The following CHD1 variants were observed in gnomAD, a reference collection of about 807,000 sequenced individuals.
The protein encoded by CHD1 is chromodomain helicase DNA binding protein 1.
Under a neutral mutation model 224.2 loss-of-function variants are expected in CHD1, and 36 were observed. That is an observed-to-expected ratio of 0.16 (90% CI 0.12 to 0.21). The LOEUF (loss-of-function observed/expected upper bound fraction) is 0.21. Ranked by LOEUF, CHD1 falls within the 10% of genes least tolerant of loss-of-function variation. The pLI is 1.00. For synonymous variants in CHD1, 668 were observed against 658.3 expected (o/e 1.01, Z -0.23); for missense variants, 1,378 against 1,994.8 (o/e 0.69, Z 5.89).
intron 18 of CHD1, 66 bp from the exon 19 acceptor site, chr5:98,883,303 G>C (rs1424585365): frequency 2.8e-6 from 3 of 1,073,820 alleles, no homozygotes; most frequent in African/African-American, 1.6e-5. Flanking sequence ...AAGCAGTATG[G>C]TACTAATTAA....
intron 18 of CHD1, chr5:98,884,033 G>A (rs1036262452): frequency 4.7e-5 from 7 of 150,464 alleles, no homozygotes; most frequent in South Asian, 2.1e-4. Context: ...GTAGAGATGC[G>A]GTTTCACCAT....
Position 98,924,213 on chromosome 5 carries a change from T to C in CHD1, c.53+2121A>G, listed in dbSNP as rs1753297508. 4.6e-5 allele frequency among the ~76,000 whole-genome samples: 7 copies of C among 152,132 alleles called. 1 individual carries two copies. The South Asian group carries it at 1.2e-3, about 27-fold the overall frequency. ...CTGCAGTGAGCTGAGACTACACAAC[T>C]GTACTCCAGCCTGGGTGACAGAGTG... On this transcript the variant is annotated intron_variant, in intron 2 of 35. Coordinates refer to ENST00000614616, the MANE Select transcript of CHD1 (RefSeq NM_001270.4).
At chr5:98,863,341 AAAC>A in intron 32 of CHD1, 64 bp downstream of exon 32, 1 of 937,818 alleles carries the variant, frequency 1.1e-6, no homozygotes, top group Non-Finnish European at 1.4e-6. Flanking sequence ...TCAGGAAAGA[AAAC>A]AAAAAAAAAA....
chr5:98,923,567 A>C (rs1159917374), intron 2 of CHD1, among the ~76,000 whole-genome samples: 1 of 151,746 alleles, frequency 6.6e-6, no homozygotes. Flanking sequence ...ATTACAGGCC[A>C]CCACACCCAG....
At chr5:98,911,280 T>C (rs1232242238) in intron 2 of CHD1, among the ~76,000 whole-genome samples, 1 of 150,364 alleles carries the variant, frequency 6.7e-6, no homozygotes, top group African/African-American at 2.5e-5. Flanking sequence ...ATAAAGACAG[T>C]TAAGGATCAC....
intron 32 of CHD1, among the ~76,000 whole-genome samples, chr5:98,862,108 G>A (rs919157830): frequency 6.6e-6 from 1 of 152,080 alleles, no homozygotes; most frequent in Admixed American, 6.5e-5. Flanking sequence ...AGCGAGCTGA[G>A]ATTCGCCACT....
intron 2 of CHD1, among the ~76,000 whole-genome samples, chr5:98,906,815 AGT>A (rs1752077834): frequency 6.6e-6 from 1 of 152,238 alleles, no homozygotes; most frequent in African/African-American, 2.4e-5. Context: ...GTAGCAATAA[AGT>A]ATCTCCTCTG....
intron 2 of CHD1, among the ~76,000 whole-genome samples, chr5:98,923,818 T>G (rs1249898987): frequency 1.3e-5 from 2 of 152,176 alleles, no homozygotes; most frequent in African/African-American, 4.8e-5. Flanking sequence ...AGGTAAGTAG[T>G]CAGAATATAC....
chr5:98,887,292 T>C (rs1419115927), intron 17 of CHD1, among the ~76,000 whole-genome samples: 1 of 152,190 alleles, frequency 6.6e-6, no homozygotes, highest in African/African-American at 2.4e-5. Flanking sequence ...ACCAGAATTG[T>C]AATGTTACAT....
In CHD1 at chr5:98,883,307, T is replaced by C. The variant is rs1383648832; in HGVS notation, c.2569-70A>G. The C allele has an allele frequency of 4.0e-6, 4 of 1,009,496 alleles. No individual in the cohort carries two copies. In the African/African-American group the frequency reaches 6.6e-5, roughly 17 times the overall value. The allele number at this position is 1,009,496 out of a possible 1,614,324, so 62.5% of individuals were successfully genotyped here. A position where few individuals can be genotyped will look rare whatever the true frequency, so the allele number is the denominator to read the frequency against. On this transcript the variant is annotated intron_variant, in intron 18 of 35. Transcript: ENST00000614616. ...TTTCTGAACGTAAGCAGTATGGTAC[T>C]AATTAAACAGAAAGGCAGTTTTTAA... is the stretch of plus-strand genomic sequence containing the variant.
intron 2 of CHD1, 96 bp from the exon 3 acceptor site, chr5:98,905,194 T>A (rs1276977447): frequency 7.2e-7 from 1 of 1,398,462 alleles, no homozygotes; most frequent in Admixed American, 2.3e-5. Context: ...AAATTTTACT[T>A]CATACTTAAT....
chr5:98,908,441 C>T (rs1045244189), intron 2 of CHD1, among the ~76,000 whole-genome samples: 4 of 152,158 alleles, frequency 2.6e-5, no homozygotes, highest in Non-Finnish European at 5.9e-5. Flanking sequence ...GGTACCCTAC[C>T]TAAGACCTTA....
At chr5:98,894,755 TA>T in intron 12 of CHD1, 69 bp from the exon 13 acceptor site, 1 of 647,266 alleles carries the variant, frequency 1.5e-6, no homozygotes, top group Non-Finnish European at 2.7e-6. Context: ...CTTACATATC[TA>T]AAAATTAAAA....
chr5:98,895,412 T>C (rs1483166394), intron 12 of CHD1, among the ~76,000 whole-genome samples: 2 of 152,192 alleles, frequency 1.3e-5, no homozygotes, highest in Admixed American at 1.3e-4. Context: ...TGAGTGTTTA[T>C]TACATTCTTC....
intron 2 of CHD1, among the ~76,000 whole-genome samples, chr5:98,907,759 C>T (rs1197903509): frequency 6.6e-6 from 1 of 151,640 alleles, no homozygotes; most frequent in Non-Finnish European, 1.5e-5. Context: ...TGAAAAGCAA[C>T]AATGGCAGAA....
chr5:98,909,686 G>T (rs560340828), intron 2 of CHD1, among the ~76,000 whole-genome samples: 1 of 152,214 alleles, frequency 6.6e-6, no homozygotes, highest in African/African-American at 2.4e-5. Context: ...AAGAAAAGGG[G>T]TTTTATTTCT....
At chr5:98,868,337 A>G (rs892821900) in intron 31 of CHD1, among the ~76,000 whole-genome samples, 158 bp downstream of exon 31, 4 of 151,800 alleles carry the variant, frequency 2.6e-5, no homozygotes, top group Non-Finnish European at 5.9e-5. Context: ...AAAAGAAAAA[A>G]AAAAAAAAAA....
rs551112341 is a variant in CHD1, at chr5:98,904,833, A to G, written c.255+64T>C. ...GCTAGATTAAGAATGGTATAAACCA[A>G]TCCTCTAAATTTTCCCAAAGTAATA... On this transcript the variant is annotated intron_variant, in intron 3 of 35. Coordinates refer to ENST00000614616, the MANE Select transcript of CHD1 (RefSeq NM_001270.4). 48 of 1,375,240 alleles carry G rather than the reference A, an allele frequency of 3.5e-5. 1 individual carries two copies. In the South Asian group the frequency reaches 4.3e-4, roughly 12 times the overall value. 85.2% of individuals were successfully genotyped at this position (1,375,240 alleles called of 1,614,324 possible). A position where few individuals can be genotyped will look rare whatever the true frequency, so the allele number is the denominator to read the frequency against.
intron 2 of CHD1, among the ~76,000 whole-genome samples, chr5:98,913,638 A>G (rs948590101): frequency 3.3e-5 from 5 of 152,176 alleles, no homozygotes; most frequent in Non-Finnish European, 5.9e-5. Context: ...AGTTGTATTT[A>G]TATCTGTACA....
Sources: gnomAD v4.1 joint callset for allele counts (sites outside exome capture counted in the v4.1 genomes callset) on GRCh38, gnomAD v4.1.1 for gene constraint, MANE v1.5 for transcripts, NCBI Gene and HGNC (gene_info 2026-07-23, HGNC 2026-07-21) for gene names.